Variants in GATA6 observed in about 807,000 individuals in gnomAD.
GATA6 encodes GATA binding protein 6.
Under a neutral mutation model 48.1 loss-of-function variants are expected in GATA6, and 11 were observed. The ratio of observed to expected loss-of-function variants is 0.23; its 90% CI spans 0.14 to 0.38. The LOEUF is 0.38. GATA6 is among the 10% of genes least tolerant of loss of function. The probability of loss-of-function intolerance (pLI) is 1.00; values close to 1 mark genes in which losing one functional copy is unlikely to be tolerated. For synonymous variants in GATA6, 419 were observed against 396.1 expected, an observed-to-expected ratio of 1.06 and a Z score of -0.69; for missense variants, 795 against 850.3, an observed-to-expected ratio of 0.93 and a Z score of 0.81.
Position 22,172,754 on chromosome 18 carries a change from C to A in GATA6, c.1135+475C>A, listed in dbSNP as rs2033073047. Among the ~76,000 whole-genome samples the A allele has an allele frequency of 6.6e-6, 1 of 152,168 alleles. No homozygotes were observed. The highest frequency in any genetic ancestry group is 6.5e-5 in the Admixed American group (1 of 15,272). On this transcript the variant is annotated intron_variant, in intron 2 of 6. Coordinates refer to ENST00000269216, the MANE Select transcript of GATA6 (RefSeq NM_005257.6). The surrounding 1 kb of genome is among the most constrained non-coding windows in gnomAD (Gnocchi z 5.2). The stretch of plus-strand genomic sequence containing the variant: ...ACACACAAGCACATGCAGGCTCACC[C>A]AGTTTAACTCTCCAAAGGGTGCGTG...
Position 22,170,930 on chromosome 18 carries a change from C to G in GATA6, c.-37-178C>G. 1.7e-6 allele frequency: 1 copy of G among 603,066 alleles called. No individual in the cohort carries two copies. The allele number at this position is 603,066 out of a possible 1,614,324, so 37.4% of individuals were successfully genotyped here. A position where few individuals can be genotyped will look rare whatever the true frequency, so the allele number is the denominator to read the frequency against. On this transcript the variant is annotated intron_variant, in intron 1 of 6. Transcript: ENST00000269216. The surrounding 1 kb of genome is among the most constrained non-coding windows in gnomAD (Gnocchi z 6.7). ...GGCTGCGCAGGCTCCCTTCCCCTCC[C>G]TTATTGATCTCCACGCCCGGGGCAG... is the stretch of plus-strand genomic sequence containing the variant.
In GATA6 at chr18:22,177,944, G is replaced by GTT. The variant is rs979067151; in HGVS notation, c.1302+829_1302+830dup. Reference sequence around the variant, plus strand: ...TTCCCCAATTCGCACACGTTTTACTGTTTTTTTGTTTTTTTTTTTTTTTTT... The same window carrying GTT: ...TTCCCCAATTCGCACACGTTTTACTGTTTTTTTTTGTTTTTTTTTTTTTTTTT... On this transcript the variant is annotated intron_variant, in intron 3 of 6. Coordinates refer to ENST00000269216, the MANE Select transcript of GATA6 (RefSeq NM_005257.6). 3.6e-3 allele frequency among the ~76,000 whole-genome samples: 281 copies of GTT among 77,844 alleles called. 43 individuals are homozygous for GTT. Among genetic ancestry groups the GTT allele is most frequent in the African/African-American group, 9.8e-3 (156 of 15,874 alleles). The allele number at this position is 77,844 out of a possible 152,430, so 51.1% of individuals were successfully genotyped here.
intron 3 of GATA6, among the ~76,000 whole-genome samples, chr18:22,180,565 G>A (rs1425145406): frequency 1.3e-5 from 2 of 152,008 alleles, no homozygotes; most frequent in Non-Finnish European, 1.5e-5. Context: ...GACAGTGGCA[G>A]CATTAAGATT....
In GATA6 at chr18:22,171,276, C is replaced by T. The variant is rs1389105372; in HGVS notation, c.132C>T (p.Ser44=). The T allele has an allele frequency of 1.3e-6, 2 of 1,595,582 alleles. No homozygotes were observed. The highest frequency in any genetic ancestry group is 8.5e-7 in the Non-Finnish European group (1 of 1,177,010). The change falls in exon 2 of 7, where the codon TCC becomes TCT. Residue 44 remains serine (S), a synonymous_variant. Coordinates refer to ENST00000269216, the MANE Select transcript of GATA6 (RefSeq NM_005257.6). The surrounding 1 kb of genome is among the most constrained non-coding windows in gnomAD (Gnocchi z 7.1). The part of the protein sequence containing the change: ...TPPSPISSSS[S]SCSRGGERGP... ...CTTCCCCCATCTCTTCCTCGTCCTCCTCCTGCTCCCGGGGCGGAGAGCGGG... is the reference window on the plus strand; with the variant it reads ...CTTCCCCCATCTCTTCCTCGTCCTCTTCCTGCTCCCGGGGCGGAGAGCGGG...
In GATA6 at chr18:22,172,085, C is replaced by G. The variant is rs1158674799; in HGVS notation, c.941C>G (p.Ser314Trp). 3 of 1,462,898 alleles carry G rather than the reference C, an allele frequency of 2.1e-6. No homozygotes were observed. Among genetic ancestry groups the G allele is most frequent in the Non-Finnish European group, 2.7e-6 (3 of 1,112,622 alleles). 90.6% of individuals were successfully genotyped at this position (1,462,898 alleles called of 1,614,324 possible). A position where few individuals can be genotyped will look rare whatever the true frequency, so the allele number is the denominator to read the frequency against. The change falls in exon 2 of 7, where the codon TCG becomes TGG. Residue 314 changes from serine to tryptophan, a missense_variant. By Grantham distance (177) the Ser-to-Trp change is radical (BLOSUM62 -3). Around this residue, in one of 5 missense-constraint regions of GATA6, gnomAD observed 591 missense variants for 570.0 expected, o/e 1.04. Transcript: ENST00000269216. This position sits in a 1 kb window ranked among gnomAD's most constrained non-coding sequence, Gnocchi z 5.2. ...GGREPQYSSL[S>W]AARPLNGTYH... ...CGCGAGCCCCAGTACAGCTCGCTGTCGGCCGCGCGGCCGCTGAACGGGACG... is the reference window on the plus strand; with the variant it reads ...CGCGAGCCCCAGTACAGCTCGCTGTGGGCCGCGCGGCCGCTGAACGGGACG...
rs2033257810 is a variant in GATA6, at chr18:22,185,933, G to C, written c.1620+2890G>C. Among the ~76,000 whole-genome samples the C allele has an allele frequency of 6.6e-6, 1 of 152,160 alleles. No homozygotes were observed. On this transcript the variant is annotated intron_variant, in intron 6 of 6. Transcript: ENST00000269216. The surrounding 1 kb of genome is among the most constrained non-coding windows in gnomAD (Gnocchi z 4.3). ...CAGCTGGTAGAAGCATTTCTAAAAG[G>C]TGCCTGTGTTGACAAAGGTGTGTCA...
chr18:22,173,609 C>A (rs892901171), intron 2 of GATA6, among the ~76,000 whole-genome samples: 1 of 152,206 alleles, frequency 6.6e-6, no homozygotes, highest in East Asian at 1.9e-4. Context: ...GAACAGCTCT[C>A]TGATAGCCTG....
intron 3 of GATA6, among the ~76,000 whole-genome samples, chr18:22,177,958 T>TTG (rs2033146063): frequency 1.5e-5 from 2 of 132,886 alleles, no homozygotes; most frequent in Non-Finnish European, 3.1e-5. Flanking sequence ...TTTTGTTTTT[T>TTG]TTTTTTTTTT....
Position 22,185,586 on chromosome 18 carries a change from TC to T in GATA6, c.1620+2545del, listed in dbSNP as rs1191660021. ...CCCAGGGACTGACTCTTGGCCTTGT[TC>T]CGAGGGCACACACGGCTGGTGCCTG... On this transcript the variant is annotated intron_variant, in intron 6 of 6. Coordinates refer to ENST00000269216, the MANE Select transcript of GATA6 (RefSeq NM_005257.6). The surrounding 1 kb of genome is among the most constrained non-coding windows in gnomAD (Gnocchi z 4.3). Among the ~76,000 whole-genome samples the T allele has an allele frequency of 6.6e-6, 1 of 152,224 alleles. No individual in the cohort carries two copies. The highest frequency in any genetic ancestry group is 1.5e-5 in the Non-Finnish European group (1 of 68,034).
chr18:22,179,720 A>G (rs747638685), intron 3 of GATA6, among the ~76,000 whole-genome samples: 13 of 152,324 alleles, frequency 8.5e-5, no homozygotes, highest in Non-Finnish European at 1.6e-4. Flanking sequence ...AAGTTTTGTT[A>G]ATATGTTGTC....
In GATA6 at chr18:22,200,977, C is replaced by A; in HGVS notation, c.*154C>A. On this transcript the variant is annotated 3_prime_UTR_variant, in exon 7 of 7. Transcript: ENST00000269216. ...AGAGATGTTTTTCCCAAGAGGCTTGCTGAAAGAGTGAGAGAAGATGGAAGG... is the reference window on the plus strand; with the variant it reads ...AGAGATGTTTTTCCCAAGAGGCTTGATGAAAGAGTGAGAGAAGATGGAAGG... 1 of 937,344 alleles carries A rather than the reference C, an allele frequency of 1.1e-6. No individual in the cohort carries two copies. Among genetic ancestry groups the A allele is most frequent in the Non-Finnish European group, 1.6e-6 (1 of 634,816 alleles). The allele number at this position is 937,344 out of a possible 1,614,324, so 58.1% of individuals were successfully genotyped here. A position where few individuals can be genotyped will look rare whatever the true frequency, so the allele number is the denominator to read the frequency against.
chr18:22,184,587 C>T (rs201490812), intron 6 of GATA6, among the ~76,000 whole-genome samples: 7 of 151,966 alleles, frequency 4.6e-5, no homozygotes, highest in African/African-American at 9.7e-5. Flanking sequence ...CTCCACTTCC[C>T]GGATTCAAGC....
intron 6 of GATA6, among the ~76,000 whole-genome samples, chr18:22,200,097 C>T (rs1035247868): frequency 3.3e-5 from 5 of 152,082 alleles, no homozygotes; most frequent in African/African-American, 1.2e-4. Context: ...AAAAATTTCA[C>T]TGATCAGGGA....
Position 22,171,148 on chromosome 18 carries a change from GCC to G in GATA6, c.5_6del (p.Ala2ValfsTer3). 3.7e-6 allele frequency: 6 copies of G among 1,600,102 alleles called. No homozygotes were observed. The highest frequency in any genetic ancestry group is 5.1e-6 in the Non-Finnish European group (6 of 1,179,588). Reference protein sequence around the residue: MALTDGGWCLPK... With the variant: MXLTDGGWCLPK... Reference sequence around the variant, plus strand: ...TTGGAGCGGCGCCGGACCGTGGATGGCCTTGACTGACGGCGGCTGGTGCTTGC... The same window carrying G: ...TTGGAGCGGCGCCGGACCGTGGATGGTTGACTGACGGCGGCTGGTGCTTGC... On this transcript the variant is annotated frameshift_variant, in exon 2 of 7. Coordinates refer to ENST00000269216, the MANE Select transcript of GATA6 (RefSeq NM_005257.6). LOFTEE classifies it high-confidence loss of function. This position sits in a 1 kb window ranked among gnomAD's most constrained non-coding sequence, Gnocchi z 7.1.
At chr18:22,190,057 G>A (rs1403939139) in intron 6 of GATA6, among the ~76,000 whole-genome samples, 1 of 152,164 alleles carries the variant, frequency 6.6e-6, no homozygotes, top group East Asian at 1.9e-4. Context: ...AATCTTCAGA[G>A]AGAAGAAAGA....
At chr18:22,176,919 G>T (rs1227608202) in intron 2 of GATA6, 36 bp from the exon 3 acceptor site, 7 of 1,522,306 alleles carry the variant, frequency 4.6e-6, no homozygotes, top group African/African-American at 1.4e-5. Flanking sequence ...GGTCCGGCGC[G>T]CCCACTCCCG....
Position 22,170,251 on chromosome 18 carries a change from G to C in GATA6, c.-38+569G>C, listed in dbSNP as rs1469172584. Among the ~76,000 whole-genome samples the C allele has an allele frequency of 1.3e-5, 2 of 152,180 alleles. No homozygotes were observed. The highest frequency in any genetic ancestry group is 4.8e-5 in the African/African-American group (2 of 41,464). ...GCTCCACCCCGCTACGTCCGATTCC[G>C]GAACGGTCCGGCGTTTCTGCTGCTG... On this transcript the variant is annotated intron_variant, in intron 1 of 6. Coordinates refer to ENST00000269216, the MANE Select transcript of GATA6 (RefSeq NM_005257.6). The surrounding 1 kb of genome is among the most constrained non-coding windows in gnomAD (Gnocchi z 6.7).
chr18:22,190,991 A>G (rs1235628283), intron 6 of GATA6, among the ~76,000 whole-genome samples: 5 of 144,782 alleles, frequency 3.5e-5, no homozygotes, highest in Admixed American at 1.4e-4. Context: ...TTCTGATCTC[A>G]AGGCTTTTTC....
chr18:22,172,352 T>C lies in GATA6; in HGVS notation c.1135+73T>C. ...CGCACGGGGGACGTGGAGCAGCTGCTCCACTCGGGCCCTGTTTTCAGGACT... is the reference window on the plus strand; with the variant it reads ...CGCACGGGGGACGTGGAGCAGCTGCCCCACTCGGGCCCTGTTTTCAGGACT... On this transcript the variant is annotated intron_variant, in intron 2 of 6. Coordinates refer to ENST00000269216, the MANE Select transcript of GATA6 (RefSeq NM_005257.6). This position sits in a 1 kb window ranked among gnomAD's most constrained non-coding sequence, Gnocchi z 5.2. The C allele has an allele frequency of 8.0e-6, 12 of 1,501,006 alleles. No homozygotes were observed. Among genetic ancestry groups the C allele is most frequent in the Non-Finnish European group, 1.1e-5 (12 of 1,125,504 alleles). The allele number at this position is 1,501,006 out of a possible 1,614,324, so 93.0% of individuals were successfully genotyped here.
Sources: gnomAD v4.1 joint callset for allele counts (sites outside exome capture counted in the v4.1 genomes callset) on GRCh38, gnomAD v4.1.1 for gene constraint, gnomAD v4.1.1 regional missense constraint, Gnocchi (gnomAD v3.1) non-coding constraint, MANE v1.5 for transcripts, NCBI Gene and HGNC (gene_info 2026-07-23, HGNC 2026-07-21) for gene names.